TUB: variants seen among roughly 807,000 people sequenced by gnomAD.
TUB encodes the protein tubby protein homolog.
TUB carries 33 observed loss-of-function variants against 59.7 expected under a neutral mutation model. The ratio of observed to expected loss-of-function variants is 0.55; its 90% CI spans 0.42 to 0.74. The LOEUF is 0.74. TUB is among the 30% of genes least tolerant of loss of function. TUB has a pLI of 0.00. For synonymous variants in TUB, 293 were observed against 256.4 expected (o/e 1.14, Z -1.36); for missense variants, 659 against 672.0 (o/e 0.98, Z 0.21).
At chr11:8,092,409 A>T (rs1943806997) in intron 3 of TUB, among the ~76,000 whole-genome samples, 1 of 152,136 alleles carries the variant, frequency 6.6e-6, no homozygotes, top group African/African-American at 2.4e-5. Context: ...AAAAAAAAGA[A>T]AAAGATAGTT....
chr11:8,074,237 A>G (rs1943409153), intron 2 of TUB, among the ~76,000 whole-genome samples: 1 of 151,954 alleles, frequency 6.6e-6, no homozygotes, highest in Non-Finnish European at 1.5e-5. Flanking sequence ...AGCTAAGAGG[A>G]GGTTCAAACA....
intron 1 of TUB, among the ~76,000 whole-genome samples, chr11:8,028,385 T>C (rs1942529091): frequency 6.6e-6 from 1 of 152,248 alleles, no homozygotes; most frequent in Admixed American, 6.5e-5. Flanking sequence ...TTCCCCATTG[T>C]TGTCTTCTCA....
chr11:8,043,517 T>C (rs1349855691), intron 2 of TUB, among the ~76,000 whole-genome samples: 1 of 152,250 alleles, frequency 6.6e-6, no homozygotes, highest in Non-Finnish European at 1.5e-5. Flanking sequence ...TTGGAGAGTA[T>C]TGCCATCTTA....
In TUB at chr11:8,104,565, G is replaced by C. The variant is rs956512195; in HGVS notation, c.*2946G>C. 6.6e-6 allele frequency: 1 copy of C among 152,162 alleles called. No individual in the cohort carries two copies. Among genetic ancestry groups the C allele is most frequent in the East Asian group, 1.9e-4 (1 of 5,192 alleles). 9.4% of individuals were successfully genotyped at this position (152,162 alleles called of 1,614,324 possible). ...AAGGATGTTGTTATGATCGCCTGTG[G>C]ATTTTGTCCATTCATCTCATGCTCT... is the stretch of plus-strand genomic sequence containing the variant. On this transcript the variant is annotated 3_prime_UTR_variant, in exon 12 of 12. Coordinates refer to ENST00000299506, the MANE Select transcript of TUB (RefSeq NM_177972.3).
intron 1 of TUB, among the ~76,000 whole-genome samples, chr11:8,027,595 A>G (rs946035396): frequency 2.6e-5 from 4 of 152,072 alleles, no homozygotes; most frequent in African/African-American, 9.7e-5. Flanking sequence ...GCTCACTGCA[A>G]CCTCTGCCTC....
intron 10 of TUB, 68 bp downstream of exon 10, chr11:8,100,669 G>C: frequency 6.4e-7 from 1 of 1,557,438 alleles, no homozygotes; most frequent in Non-Finnish European, 8.8e-7. Flanking sequence ...TCTAAGGGCA[G>C]AACTCCAGCT....
At position 8,100,544 on chromosome 11, in the gene TUB, C is replaced by T. The variant is rs72848487; in HGVS notation, c.1158C>T (p.Ser386=). ...VLGFKGPRKM[S]VIVPGMNMVH... ...GCTTCAAGGGGCCTCGGAAGATGAG[C>T]GTGATTGTCCCAGGCATGAACATGG... The change falls in exon 10 of 12, where the codon AGC becomes AGT. Residue 386 remains serine (S), a synonymous_variant. Coordinates refer to ENST00000299506, the MANE Select transcript of TUB (RefSeq NM_177972.3). The T allele has an allele frequency of 0.032, 51,148 of 1,613,956 alleles. 926 individuals are homozygous for T. Among genetic ancestry groups the T allele is most frequent in the Non-Finnish European group, 0.036 (42,732 of 1,179,876 alleles).
chr11:8,089,779 C>A, intron 2 of TUB, 118 bp downstream of exon 2: 1 of 1,377,670 alleles, frequency 7.3e-7, no homozygotes, highest in Non-Finnish European at 1.0e-6. Flanking sequence ...ATGGGATTCC[C>A]ATGTGGAAGA....
At chr11:8,064,324 A>G (rs75654039) in intron 2 of TUB, among the ~76,000 whole-genome samples, 4,663 of 152,288 alleles carry the variant, frequency 0.031, 214 homozygotes, top group African/African-American at 0.11. Flanking sequence ...CTCTTACCCC[A>G]GATGTGACCT....
upstream of TUB, among the ~76,000 whole-genome samples, chr11:8,079,429 G>A (rs552602631): frequency 1.3e-5 from 2 of 152,098 alleles, no homozygotes; most frequent in African/African-American, 4.8e-5. Context: ...CAGAGTCCAG[G>A]CCAAGCATCC....
intron 11 of TUB, 81 bp downstream of exon 11, chr11:8,101,078 C>T: frequency 1.3e-6 from 2 of 1,491,216 alleles, no homozygotes; most frequent in Non-Finnish European, 1.8e-6. Flanking sequence ...CCTAGCCCTG[C>T]CTACACTGGC....
At chr11:8,070,620 C>T (rs1564910109) in intron 2 of TUB, among the ~76,000 whole-genome samples, 1 of 152,098 alleles carries the variant, frequency 6.6e-6, no homozygotes. Context: ...CATCAATGCC[C>T]CCCTCAGGAA....
intron 1 of TUB, among the ~76,000 whole-genome samples, chr11:8,031,575 T>G (rs1942571809): frequency 6.6e-6 from 1 of 152,210 alleles, no homozygotes; most frequent in Admixed American, 6.5e-5. Flanking sequence ...GACCTCGGTC[T>G]GCCGTGAGGT....
chr11:8,091,205 T>C (rs1943765309), intron 3 of TUB, among the ~76,000 whole-genome samples: 1 of 152,128 alleles, frequency 6.6e-6, no homozygotes, highest in Non-Finnish European at 1.5e-5. Flanking sequence ...TTTAGGTTCT[T>C]CTCTGGGTTC....
chr11:8,026,869 T>G (rs745757245), intron 1 of TUB, among the ~76,000 whole-genome samples: 6 of 152,334 alleles, frequency 3.9e-5, no homozygotes, highest in Admixed American at 6.5e-5. Flanking sequence ...CTTAGTAACA[T>G]CGGGCCTTCC....
upstream of TUB, among the ~76,000 whole-genome samples, chr11:8,036,350 A>G (rs752436124): frequency 2.6e-5 from 4 of 152,174 alleles, no homozygotes; most frequent in Non-Finnish European, 5.9e-5. Flanking sequence ...TTTCCTGCAG[A>G]TAGGAATACA....
At chr11:8,037,790 A>G (rs909873515), upstream of TUB, among the ~76,000 whole-genome samples, 7 of 152,164 alleles carry the variant, frequency 4.6e-5, no homozygotes, top group South Asian at 1.0e-3. Context: ...TTCTGTCCAG[A>G]GGAAGTGGGG....
upstream of TUB, among the ~76,000 whole-genome samples, chr11:8,078,495 T>G (rs1487045191): frequency 6.6e-6 from 1 of 152,122 alleles, no homozygotes; most frequent in Non-Finnish European, 1.5e-5. Context: ...TCATATGACT[T>G]TCTGGAGTAG....
At chr11:8,086,817 C>T (rs1261122061) in intron 1 of TUB, among the ~76,000 whole-genome samples, 1 of 152,184 alleles carries the variant, frequency 6.6e-6, no homozygotes, top group African/African-American at 2.4e-5. Context: ...GTAGGTGGCT[C>T]TCTAGGTACT....
Sources: allele counts gnomAD v4.1 joint callset (sites outside exome capture counted in the v4.1 genomes callset), GRCh38; gene constraint gnomAD v4.1.1; transcripts MANE v1.5; gene names NCBI Gene and HGNC (gene_info 2026-07-23, HGNC 2026-07-21).